The following CAP1 variants were observed in gnomAD, a reference collection of about 807,000 sequenced individuals.
CAP1 encodes adenylyl cyclase-associated protein 1.
A neutral mutation model predicts 58.2 loss-of-function variants in CAP1; 11 were observed. That is an observed-to-expected ratio of 0.19 (90% confidence interval 0.12 to 0.31). The LOEUF (loss-of-function observed/expected upper bound fraction) is 0.31, where lower values mean the gene tolerates loss of function less well. CAP1 is among the 10% of genes least tolerant of loss of function. CAP1 has a pLI of 1.00. For synonymous variants in CAP1, 183 were observed against 213.8 expected, an observed-to-expected ratio of 0.86 and a Z score of 1.26; for missense variants, 423 against 587.5, an observed-to-expected ratio of 0.72 and a Z score of 2.89.
In CAP1 at chr1:40,040,737, TG is replaced by T. The variant is rs1645772792; in HGVS notation, c.-72del. The T allele has an allele frequency of 6.5e-6, 1 of 152,950 alleles. No homozygotes were observed. Among genetic ancestry groups the T allele is most frequent in the Non-Finnish European group, 1.5e-5 (1 of 68,274 alleles). 9.5% of individuals were successfully genotyped at this position (152,950 alleles called of 1,614,324 possible). ...CGGAAGTGGGTCGCGCGGAGATTGCTGGGCGGTTCTTGCCGGAAGCGGAGAG... is the reference window on the plus strand; with the variant it reads ...CGGAAGTGGGTCGCGCGGAGATTGCTGGCGGTTCTTGCCGGAAGCGGAGAG... On this transcript the variant is annotated 5_prime_UTR_variant, in exon 1 of 13. Transcript: ENST00000372805.
At chr1:40,066,810 A>T (rs1212373032) in intron 7 of CAP1, among the ~76,000 whole-genome samples, 1 of 152,232 alleles carries the variant, frequency 6.6e-6, no homozygotes, top group Non-Finnish European at 1.5e-5. Context: ...GGCACAGCTT[A>T]AACAAAATAC....
intron 8 of CAP1, 33 bp from the exon 9 acceptor site, chr1:40,069,657 A>C: frequency 6.3e-7 from 1 of 1,590,414 alleles, no homozygotes; most frequent in Non-Finnish European, 8.6e-7. Flanking sequence ...TCTGGTATGA[A>C]GGACAGGAAC....
intron 1 of CAP1, among the ~76,000 whole-genome samples, chr1:40,051,395 T>TACAC (rs10561660): frequency 6.6e-6 from 1 of 150,926 alleles, no homozygotes; most frequent in Non-Finnish European, 1.5e-5. Context: ...ATCACACACA[T>TACAC]ACACACACAC....
At chr1:40,043,738 G>A (rs550504884) in intron 1 of CAP1, among the ~76,000 whole-genome samples, 3 of 152,044 alleles carry the variant, frequency 2.0e-5, no homozygotes, top group Non-Finnish European at 4.4e-5. Flanking sequence ...TTAGCTGGGC[G>A]TGGTTGTGCA....
chr1:40,067,807 G>A, intron 8 of CAP1, 90 bp downstream of exon 8: 1 of 933,646 alleles, frequency 1.1e-6, no homozygotes, highest in Non-Finnish European at 1.6e-6. Context: ...CTACAACCCT[G>A]GCTTGTGTGG....
At chr1:40,057,290 C>T (rs971154594) in intron 1 of CAP1, among the ~76,000 whole-genome samples, 1 of 152,132 alleles carries the variant, frequency 6.6e-6, no homozygotes, top group Admixed American at 6.5e-5. Context: ...GCCTTTTCCC[C>T]TGGACTTACA....
chr1:40,047,065 C>A (rs1418644081), intron 1 of CAP1, among the ~76,000 whole-genome samples: 5 of 152,166 alleles, frequency 3.3e-5, no homozygotes, highest in Non-Finnish European at 5.9e-5. Context: ...GCCATCGCGC[C>A]CGGCCACATT....
intron 6 of CAP1, among the ~76,000 whole-genome samples, chr1:40,064,840 G>GT (rs1300302671): frequency 6.6e-6 from 1 of 152,174 alleles, no homozygotes; most frequent in African/African-American, 2.4e-5. Flanking sequence ...GGGATTACAG[G>GT]TGTGAGCCAC....
rs989454706 is a variant in CAP1, at chr1:40,071,905, A to G, written c.*372A>G. 38 of 419,418 alleles carry G rather than the reference A, an allele frequency of 9.1e-5. No homozygotes were observed. The highest frequency in any genetic ancestry group is 6.0e-4 in the Middle Eastern group (1 of 1,666). The allele number at this position is 419,418 out of a possible 1,614,324, so 26.0% of individuals were successfully genotyped here. A position where few individuals can be genotyped will look rare whatever the true frequency, so the allele number is the denominator to read the frequency against. On this transcript the variant is annotated 3_prime_UTR_variant, in exon 13 of 13. Transcript: ENST00000372805. ...GGAATTAACAGATCAGAATGTTCAC[A>G]CTGGTTAATCTTTTTTTAACAATGA... is the stretch of plus-strand genomic sequence containing the variant.
At chr1:40,054,629 A>C (rs1019076725) in intron 1 of CAP1, among the ~76,000 whole-genome samples, 5 of 151,616 alleles carry the variant, frequency 3.3e-5, no homozygotes, top group Admixed American at 1.3e-4. Flanking sequence ...CTATTAAATA[A>C]ATTATTTTAT....
At chr1:40,041,240 A>G (rs1321597899) in intron 1 of CAP1, among the ~76,000 whole-genome samples, 2 of 152,238 alleles carry the variant, frequency 1.3e-5, no homozygotes, top group Non-Finnish European at 2.9e-5. Flanking sequence ...AACCAGCCCC[A>G]GTTCTTCCCG....
At chr1:40,057,269 T>C (rs1039690472) in intron 1 of CAP1, among the ~76,000 whole-genome samples, 14 of 152,244 alleles carry the variant, frequency 9.2e-5, no homozygotes, top group African/African-American at 3.4e-4. Context: ...TAGGAGTTTA[T>C]TGCGTTCCTT....
rs1333469520 is a variant in CAP1 at position 40,069,641 on chromosome 1, CA to C, written c.809-46del. On this transcript the variant is annotated intron_variant, in intron 8 of 12. Coordinates refer to ENST00000372805, the MANE Select transcript of CAP1 (RefSeq NM_006367.4). Reference sequence around the variant, plus strand: ...GATGTTTAACATGACGATAGCAGCTCAAAGGTCTGGTATGAAGGACAGGAAC... The same window carrying C: ...GATGTTTAACATGACGATAGCAGCTCAAGGTCTGGTATGAAGGACAGGAAC... 6.6e-6 allele frequency: 10 copies of C among 1,524,868 alleles called. No homozygotes were observed. The African/African-American group carries it at 7.0e-5, about 11-fold the overall frequency. 94.5% of individuals were successfully genotyped at this position (1,524,868 alleles called of 1,614,324 possible). A position where few individuals can be genotyped will look rare whatever the true frequency, so the allele number is the denominator to read the frequency against.
chr1:40,069,609 T>G lies in CAP1; in HGVS notation c.809-81T>G. ...GCTCTGGTTTTGGCTTTGAATTTTC[T>G]GTTAAGGATGTTTAACATGACGATA... On this transcript the variant is annotated intron_variant, in intron 8 of 12. Transcript: ENST00000372805. 3 of 1,286,106 alleles carry G rather than the reference T, an allele frequency of 2.3e-6. No individual in the cohort carries two copies. In the South Asian group the frequency reaches 4.1e-5, roughly 18 times the overall value. 79.7% of individuals were successfully genotyped at this position (1,286,106 alleles called of 1,614,324 possible). A position where few individuals can be genotyped will look rare whatever the true frequency, so the allele number is the denominator to read the frequency against.
intron 7 of CAP1, among the ~76,000 whole-genome samples, chr1:40,066,969 TAA>T (rs1309738127): frequency 6.6e-6 from 1 of 152,212 alleles, no homozygotes; most frequent in African/African-American, 2.4e-5. Flanking sequence ...AATTTGTCTT[TAA>T]AAGAGTCTCA....
intron 1 of CAP1, among the ~76,000 whole-genome samples, chr1:40,054,252 G>A (rs185725088): frequency 8.0e-4 from 118 of 148,332 alleles, no homozygotes; most frequent in Admixed American, 1.3e-3. Context: ...GTGCAGTGGC[G>A]CAATCTCAGC....
At chr1:40,061,448 C>T (rs72937418) in intron 3 of CAP1, among the ~76,000 whole-genome samples, 17,709 of 152,112 alleles carry the variant, frequency 0.12, 1,211 homozygotes, top group South Asian at 0.2. Context: ...TTTCAGTGCA[C>T]GGTATCACAA....
chr1:40,047,717 T>G (rs1446312296), intron 1 of CAP1, among the ~76,000 whole-genome samples: 1 of 152,218 alleles, frequency 6.6e-6, no homozygotes, highest in Admixed American at 6.5e-5. Context: ...CATAATATTC[T>G]TTGAACGTAG....
chr1:40,059,373 A>G lies in CAP1; in HGVS notation c.27A>G (p.Glu9=). 1 of 1,613,266 alleles carries G rather than the reference A, an allele frequency of 6.2e-7. No homozygotes were observed. The highest frequency in any genetic ancestry group is 8.5e-7 in the Non-Finnish European group (1 of 1,179,232). MADMQNLV[E]RLERAVGRLE... is the part of the protein sequence containing the mutation. ...TGGCTGACATGCAAAATCTGGTAGA[A>G]AGATTGGAGAGGGCAGTGGGCCGCC... Residue 9 remains glutamate (E), a synonymous_variant, in exon 2 of 13, where the codon GAA becomes GAG. Transcript: ENST00000372805.
Sources: gnomAD v4.1 joint callset for allele counts (sites outside exome capture counted in the v4.1 genomes callset) on GRCh38, gnomAD v4.1.1 for gene constraint, MANE v1.5 for transcripts, NCBI Gene and HGNC (gene_info 2026-07-23, HGNC 2026-07-21) for gene names.